The following ARID1B variants were observed in gnomAD, a reference collection of about 807,000 sequenced individuals.
ARID1B encodes the protein AT-rich interaction domain 1B.
In ARID1B, 30 loss-of-function variants were observed where a neutral mutation model predicts 212.3. The ratio of observed to expected loss-of-function variants is 0.14; its 90% CI spans 0.11 to 0.19. The LOEUF (loss-of-function observed/expected upper bound fraction) is 0.19, where lower values mean the gene tolerates loss of function less well. ARID1B is among the 10% of genes least tolerant of loss of function. The pLI is 1.00. For missense variants in ARID1B, 2,891 were observed against 3,204.0 expected (o/e 0.90, Z 2.36); for synonymous variants, 1,402 against 1,301.7 (o/e 1.08, Z -1.66).
In ARID1B at chr6:157,203,923, G is replaced by A. The variant is rs1794279150; in HGVS notation, c.5321G>A (p.Ser1774Asn). Reference protein sequence around the residue: ...MSLKSGLLAESTWALDTINIL... With the variant: ...MSLKSGLLAENTWALDTINIL... The stretch of plus-strand genomic sequence containing the variant: ...CTTAAATCAGGTCTTTTGGCTGAGA[G>A]TACGTGGGCTTTGGACACTATTAAT... The change falls in exon 19 of 20, where the codon AGT becomes AAT. Residue 1774 changes from serine (S) to asparagine (N), a missense_variant. Around this residue, in one of 7 missense-constraint regions of ARID1B, gnomAD observed 3 missense variants for 17.5 expected, o/e 0.17. Coordinates refer to ENST00000636930, the MANE Select transcript of ARID1B (RefSeq NM_001374828.1). The surrounding 1 kb of genome is among the most constrained non-coding windows in gnomAD (Gnocchi z 4.4). 1 of 1,614,024 alleles carries A rather than the reference G, an allele frequency of 6.2e-7. No individual in the cohort carries two copies. The highest frequency in any genetic ancestry group is 1.7e-5 in the Admixed American group (1 of 60,002).
chr6:157,060,223 T>G (rs1783250837), intron 4 of ARID1B, among the ~76,000 whole-genome samples: 1 of 152,192 alleles, frequency 6.6e-6, no homozygotes, highest in Admixed American at 6.5e-5. Flanking sequence ...TTAAGGTAAA[T>G]TATATAGCAT....
At position 157,011,868 on chromosome 6, in the gene ARID1B, T is replaced by A. The variant is rs1302258623; in HGVS notation, c.2248-72794T>A. On this transcript the variant is annotated intron_variant, in intron 4 of 19. Coordinates refer to ENST00000636930, the MANE Select transcript of ARID1B (RefSeq NM_001374828.1). ...AAGGAACCGACAGATTCAGGAAGCA[T>A]ACTGCATTCCAGGTGTGAATAAGAA... 2.0e-5 allele frequency among the ~76,000 whole-genome samples: 3 copies of A among 152,218 alleles called. No individual in the cohort carries two copies. In the East Asian group the frequency reaches 5.8e-4, roughly 29 times the overall value.
At chr6:157,021,555 CAG>C (rs943572976) in intron 4 of ARID1B, among the ~76,000 whole-genome samples, 17 of 152,188 alleles carry the variant, frequency 1.1e-4, no homozygotes, top group South Asian at 6.2e-4. Flanking sequence ...GGGGCGGGGA[CAG>C]GGGGACGAAA....
intron 2 of ARID1B, among the ~76,000 whole-genome samples, chr6:156,869,029 T>A (rs1785919352): frequency 6.6e-6 from 1 of 152,156 alleles, no homozygotes; most frequent in South Asian, 2.1e-4. Flanking sequence ...CATTTCTGAT[T>A]TAAAAAAAAA....
intron 1 of ARID1B, among the ~76,000 whole-genome samples, chr6:156,806,511 T>C (rs1056199757): frequency 4.6e-5 from 7 of 152,234 alleles, no homozygotes; most frequent in African/African-American, 1.7e-4. Flanking sequence ...TTGGTTTTGC[T>C]TAATAATACT....
At chr6:156,811,285 C>T (rs893789695) in intron 1 of ARID1B, among the ~76,000 whole-genome samples, 3 of 152,124 alleles carry the variant, frequency 2.0e-5, no homozygotes, top group African/African-American at 7.2e-5. Flanking sequence ...TAGTTAGATG[C>T]CAGTCACAGG....
chr6:156,945,177 C>T (rs554758359), intron 4 of ARID1B, among the ~76,000 whole-genome samples: 15 of 144,764 alleles, frequency 1.0e-4, no homozygotes, highest in Middle Eastern at 3.6e-3. Flanking sequence ...CCTTGTGATC[C>T]GCCCGCCTCT....
At chr6:157,046,776 T>G (rs1309169967) in intron 4 of ARID1B, among the ~76,000 whole-genome samples, 1 of 152,252 alleles carries the variant, frequency 6.6e-6, no homozygotes, top group African/African-American at 2.4e-5. Context: ...TCTGCCACCT[T>G]TAGTCTTCTT....
At chr6:156,826,289 A>G (rs780060112) in intron 1 of ARID1B, among the ~76,000 whole-genome samples, 18 of 152,174 alleles carry the variant, frequency 1.2e-4, no homozygotes, top group African/African-American at 3.1e-4. Context: ...GAGCTCAGGT[A>G]TTTCCTATAG....
chr6:156,981,600 G>A (rs184205464), intron 4 of ARID1B, among the ~76,000 whole-genome samples: 1 of 152,248 alleles, frequency 6.6e-6, no homozygotes, highest in East Asian at 1.9e-4. Context: ...ATTAGATGAG[G>A]ATTGTAGCTT....
chr6:157,204,090 C>A, intron 19 of ARID1B, 94 bp downstream of exon 19: 1 of 1,490,686 alleles, frequency 6.7e-7, no homozygotes, highest in Non-Finnish European at 9.3e-7. Flanking sequence ...AGTTGATGAG[C>A]ACTGACCGTC....
chr6:156,995,509 T>C (rs553530224), intron 4 of ARID1B, among the ~76,000 whole-genome samples: 4 of 152,352 alleles, frequency 2.6e-5, no homozygotes, highest in Admixed American at 2.0e-4. Flanking sequence ...GGTCATATAG[T>C]GTATTCTAAG....
chr6:156,863,621 G>A (rs1387690922), intron 2 of ARID1B, among the ~76,000 whole-genome samples: 5 of 152,074 alleles, frequency 3.3e-5, no homozygotes, highest in South Asian at 4.1e-4. Flanking sequence ...GTGAAACACA[G>A]GAGAGTTGTA....
At chr6:156,882,966 C>A (rs755677931) in intron 2 of ARID1B, among the ~76,000 whole-genome samples, 2 of 152,198 alleles carry the variant, frequency 1.3e-5, no homozygotes, top group African/African-American at 2.4e-5. Context: ...ATGATAAAAT[C>A]TTACACGGGG....
At chr6:156,868,010 C>G (rs922888104) in intron 2 of ARID1B, among the ~76,000 whole-genome samples, 2 of 152,256 alleles carry the variant, frequency 1.3e-5, no homozygotes, top group African/African-American at 2.4e-5. Context: ...CCCTAGCGCT[C>G]TTCCTCACAG....
chr6:157,065,944 C>A (rs1007508716), intron 4 of ARID1B, among the ~76,000 whole-genome samples: 6 of 152,186 alleles, frequency 3.9e-5, no homozygotes, highest in Non-Finnish European at 8.8e-5. Context: ...GTAATCAGTA[C>A]TTGGTTCAGA....
At chr6:157,198,658 A>G (rs1793902467) in intron 16 of ARID1B, 153 bp from the exon 17 acceptor site, 2 of 594,628 alleles carry the variant, frequency 3.4e-6, no homozygotes, top group Non-Finnish European at 5.9e-6. Context: ...GTTGGCGTGC[A>G]GCTGCCTCTC....
At chr6:156,960,488 T>C (rs1364276070) in intron 4 of ARID1B, among the ~76,000 whole-genome samples, 2 of 152,252 alleles carry the variant, frequency 1.3e-5, no homozygotes, top group Non-Finnish European at 2.9e-5. Flanking sequence ...TAAACTTTGC[T>C]TTTGACAAAG....
At chr6:156,894,449 C>T (rs1248976382) in intron 2 of ARID1B, among the ~76,000 whole-genome samples, 1 of 152,142 alleles carries the variant, frequency 6.6e-6, no homozygotes, top group Non-Finnish European at 1.5e-5. Flanking sequence ...GAACTGTATA[C>T]TTCAAATGGT....
Sources: allele counts gnomAD v4.1 joint callset (sites outside exome capture counted in the v4.1 genomes callset), GRCh38; gene constraint gnomAD v4.1.1; regional missense constraint gnomAD v4.1.1; non-coding constraint Gnocchi (gnomAD v3.1); transcripts MANE v1.5; gene names NCBI Gene and HGNC (gene_info 2026-07-23, HGNC 2026-07-21).